HHEX: variants seen among roughly 807,000 people sequenced by gnomAD.
HHEX encodes hematopoietically-expressed homeobox protein HHEX.
A neutral mutation model predicts 27.0 loss-of-function variants in HHEX; 8 were observed. That is an observed-to-expected ratio of 0.30 (90% confidence interval 0.17 to 0.54). The LOEUF is 0.54. Among genes scored for constraint, HHEX ranks in the 20% least tolerant of loss-of-function variants. HHEX has a pLI of 0.95. For synonymous variants in HHEX, 164 were observed against 161.5 expected, an observed-to-expected ratio of 1.02 and a Z score of -0.12; for missense variants, 326 against 357.2, an observed-to-expected ratio of 0.91 and a Z score of 0.70.
intron 3 of HHEX, among the ~76,000 whole-genome samples, chr10:92,693,834 G>A (rs192864353): frequency 8.4e-4 from 128 of 152,210 alleles, no homozygotes; most frequent in Admixed American, 6.5e-3. Flanking sequence ...ATAGTTCTTG[G>A]TCAAAGGCTT....
At chr10:92,693,539 T>G (rs1485159189) in intron 3 of HHEX, among the ~76,000 whole-genome samples, 1 of 152,192 alleles carries the variant, frequency 6.6e-6, no homozygotes, top group Admixed American at 6.5e-5. Context: ...GTGGAGAAAT[T>G]TAAAGCAAAG....
At chr10:92,694,455 TGGAATA>T (rs2135942209) in intron 3 of HHEX, 86 bp from the exon 4 acceptor site, 1 of 904,086 alleles carries the variant, frequency 1.1e-6, no homozygotes, top group East Asian at 2.6e-5. Flanking sequence ...AATTAAAAGA[TGGAATA>T]GGATGAAGAG....
Position 92,692,382 on chromosome 10 carries a change from T to C in HHEX, c.376T>C (p.Trp126Arg). ...CCCGCTCGCAGGCAAACCTCTACTCTGGAGCCCCTTCTTGCAGAGGCCTCT... is the reference window on the plus strand; with the variant it reads ...CCCGCTCGCAGGCAAACCTCTACTCCGGAGCCCCTTCTTGCAGAGGCCTCT... ...RHDPLGKPLL[W>R]SPFLQRPLHK... is the part of the protein sequence containing the mutation. Residue 126 changes from tryptophan (W) to arginine (R), a missense_variant, in exon 2 of 4, where the codon TGG becomes CGG. By Grantham distance (101) the Trp-to-Arg change is moderately radical. Around this residue, in one of 4 missense-constraint regions of HHEX, gnomAD observed 215 missense variants for 196.4 expected, o/e 1.09. Coordinates refer to ENST00000282728, the MANE Select transcript of HHEX (RefSeq NM_002729.5). 6.2e-7 allele frequency: 1 copy of C among 1,613,710 alleles called. No homozygotes were observed. Among genetic ancestry groups the C allele is most frequent in the Non-Finnish European group, 8.5e-7 (1 of 1,180,014 alleles).
At position 92,692,387 on chromosome 10, in the gene HHEX, C is replaced by T. The variant is rs1361091692; in HGVS notation, c.381C>T (p.Ser127=). 5.0e-6 allele frequency: 8 copies of T among 1,613,794 alleles called. No homozygotes were observed. The highest frequency in any genetic ancestry group is 6.8e-6 in the Non-Finnish European group (8 of 1,180,010). ...HDPLGKPLLW[S]PFLQRPLHKR... ...TCGCAGGCAAACCTCTACTCTGGAG[C>T]CCCTTCTTGCAGAGGCCTCTGCATA... is the stretch of plus-strand genomic sequence containing the variant. The change falls in exon 2 of 4, where the codon AGC becomes AGT. Residue 127 remains serine (S), a synonymous_variant. Transcript: ENST00000282728.
rs554275552 is a variant in HHEX, at chr10:92,695,037, A to C, written c.*269A>C. 1.3e-5 allele frequency: 4 copies of C among 316,386 alleles called. No individual in the cohort carries two copies. The highest frequency in any genetic ancestry group is 8.6e-5 in the African/African-American group (4 of 46,366). The allele number at this position is 316,386 out of a possible 1,614,324, so 19.6% of individuals were successfully genotyped here. ...TAAATTCTTCCCCCTTTAAAAAAAC[A>C]GTTAGTGGTTTTCACTATTTATAAA... is the stretch of plus-strand genomic sequence containing the variant. On this transcript the variant is annotated 3_prime_UTR_variant, in exon 4 of 4. Coordinates refer to ENST00000282728, the MANE Select transcript of HHEX (RefSeq NM_002729.5).
intron 1 of HHEX, 34 bp from the exon 2 acceptor site, chr10:92,692,334 G>A (rs1188623574): frequency 1.4e-5 from 22 of 1,609,354 alleles, no homozygotes; most frequent in Non-Finnish European, 1.8e-5. Context: ...GCCGCTCCAG[G>A]GCAGTGGGTG....
In HHEX at chr10:92,692,765, T is replaced by G; in HGVS notation, c.591+13T>G. The G allele has an allele frequency of 6.2e-7, 1 of 1,604,944 alleles. No homozygotes were observed. The highest frequency in any genetic ancestry group is 8.5e-7 in the Non-Finnish European group (1 of 1,171,732). On this transcript the variant is annotated intron_variant, in intron 3 of 3. Transcript: ENST00000282728. ...GAGACTAAAACAGGTATGGACATGGTTCTGTTTCTATGGAAATAAATATTT... is the reference window on the plus strand; with the variant it reads ...GAGACTAAAACAGGTATGGACATGGGTCTGTTTCTATGGAAATAAATATTT...
At position 92,692,365 on chromosome 10, in the gene HHEX, C is replaced by T; in HGVS notation, c.362-3C>T. Reference sequence around the variant, plus strand: ...GGGTGAGCGCCGCTCTTCCCGCTCGCAGGCAAACCTCTACTCTGGAGCCCC... The same window carrying T: ...GGGTGAGCGCCGCTCTTCCCGCTCGTAGGCAAACCTCTACTCTGGAGCCCC... On this transcript the variant is annotated splice_region_variant and splice_polypyrimidine_tract_variant and intron_variant, in intron 1 of 3. Coordinates refer to ENST00000282728, the MANE Select transcript of HHEX (RefSeq NM_002729.5). 3 of 1,612,790 alleles carry T rather than the reference C, an allele frequency of 1.9e-6. No individual in the cohort carries two copies. In the South Asian group the frequency reaches 3.3e-5, roughly 18 times the overall value.
Position 92,689,983 on chromosome 10 carries a change from A to G in HHEX, c.-4A>G. 2.1e-6 allele frequency: 3 copies of G among 1,403,934 alleles called. No individual in the cohort carries two copies. Among genetic ancestry groups the G allele is most frequent in the Non-Finnish European group, 1.8e-6 (2 of 1,088,058 alleles). 87.0% of individuals were successfully genotyped at this position (1,403,934 alleles called of 1,614,324 possible). ...TCTGCGAGGGGCCGGAGCGCGGCGGAGCCATGCAGTACCCGCACCCCGGGC... is the reference window on the plus strand; with the variant it reads ...TCTGCGAGGGGCCGGAGCGCGGCGGGGCCATGCAGTACCCGCACCCCGGGC... On this transcript the variant is annotated 5_prime_UTR_variant, in exon 1 of 4. Coordinates refer to ENST00000282728, the MANE Select transcript of HHEX (RefSeq NM_002729.5).
In HHEX at chr10:92,694,872, A is replaced by G; in HGVS notation, c.*104A>G. Reference sequence around the variant, plus strand: ...GGAAGGCTATATAAGAAAGGGAATCAATTCTCTGGTATTCTGGAAACCTAA... The same window carrying G: ...GGAAGGCTATATAAGAAAGGGAATCGATTCTCTGGTATTCTGGAAACCTAA... On this transcript the variant is annotated 3_prime_UTR_variant, in exon 4 of 4. Transcript: ENST00000282728. 1 of 828,334 alleles carries G rather than the reference A, an allele frequency of 1.2e-6. No individual in the cohort carries two copies. Among genetic ancestry groups the G allele is most frequent in the Non-Finnish European group, 1.9e-6 (1 of 522,736 alleles). The allele number at this position is 828,334 out of a possible 1,614,324, so 51.3% of individuals were successfully genotyped here. A position where few individuals can be genotyped will look rare whatever the true frequency, so the allele number is the denominator to read the frequency against.
Position 92,690,343 on chromosome 10 carries a change from C to T in HHEX, c.357C>T (p.Pro119=), listed in dbSNP as rs1446650747. The T allele has an allele frequency of 1.4e-6, 2 of 1,475,598 alleles. No homozygotes were observed. Among genetic ancestry groups the T allele is most frequent in the South Asian group, 2.6e-5 (2 of 76,046 alleles). 91.4% of individuals were successfully genotyped at this position (1,475,598 alleles called of 1,614,324 possible). Residue 119 remains proline (P), a synonymous_variant, in exon 1 of 4, where the codon CCC becomes CCT. Transcript: ENST00000282728. The stretch of plus-strand genomic sequence containing the variant: ...CGCACGCCCTGCTCCGCCACGACCC[C>T]CTGGGTAAGGCGGCCGGGCGAGGGT... ...DYTHALLRHD[P]LGKPLLWSPF... is the part of the protein sequence containing the mutation.
chr10:92,694,598 T>A lies in HHEX; in HGVS notation c.643T>A (p.Cys215Ser), dbSNP rs777011688. 6.2e-7 allele frequency: 1 copy of A among 1,614,180 alleles called. No individual in the cohort carries two copies. Among genetic ancestry groups the A allele is most frequent in the Non-Finnish European group, 8.5e-7 (1 of 1,180,006 alleles). ...AGAACTGGAAAGTTTGGACAGTTCCTGTGATCAGAGGCAAGATTTGCCCAG... is the reference window on the plus strand; with the variant it reads ...AGAACTGGAAAGTTTGGACAGTTCCAGTGATCAGAGGCAAGATTTGCCCAG... ...KEELESLDSS[C>S]DQRQDLPSEQ... Residue 215 changes from cysteine to serine, a missense_variant, in exon 4 of 4, where the codon TGT (cysteine) becomes AGT (serine). By Grantham distance (112) the Cys-to-Ser change is moderately radical. Around this residue, in one of 4 missense-constraint regions of HHEX, gnomAD observed 68 missense variants for 84.9 expected, o/e 0.80. Coordinates refer to ENST00000282728, the MANE Select transcript of HHEX (RefSeq NM_002729.5).
rs993173166 is a variant in HHEX, at chr10:92,690,332, C to T, written c.346C>T (p.Arg116Cys). ...GAACGACTACACGCACGCCCTGCTC[C>T]GCCACGACCCCCTGGGTAAGGCGGC... ...TVNDYTHALL[R>C]HDPLGKPLLW... Residue 116 changes from arginine (R) to cysteine (C), a missense_variant, in exon 1 of 4, where the codon CGC (arginine) becomes TGC (cysteine). By Grantham distance (180) the Arg-to-Cys change is radical. Coordinates refer to ENST00000282728, the MANE Select transcript of HHEX (RefSeq NM_002729.5). The T allele has an allele frequency of 2.0e-6, 3 of 1,499,054 alleles. No homozygotes were observed. In the African/African-American group the frequency reaches 4.3e-5, roughly 22 times the overall value. The allele number at this position is 1,499,054 out of a possible 1,614,324, so 92.9% of individuals were successfully genotyped here.
At chr10:92,692,237 G>C in intron 1 of HHEX, 131 bp from the exon 2 acceptor site, 1 of 835,694 alleles carries the variant, frequency 1.2e-6, no homozygotes, top group Non-Finnish European at 1.9e-6. Flanking sequence ...CCACGTGCCG[G>C]TGGGTGTATG....
At position 92,692,423 on chromosome 10, in the gene HHEX, C is replaced by T. The variant is rs755244382; in HGVS notation, c.417C>T (p.Gly139=). The change falls in exon 2 of 4, where the codon GGC becomes GGT. Residue 139 remains glycine, a synonymous_variant. Coordinates refer to ENST00000282728, the MANE Select transcript of HHEX (RefSeq NM_002729.5). The part of the protein sequence containing the change: ...FLQRPLHKRK[G]GQVRFSNDQT... ...AGAGGCCTCTGCATAAAAGGAAAGG[C>T]GGCCAGGTGAGATTCTCCAACGACC... 6.2e-7 allele frequency: 1 copy of T among 1,614,046 alleles called. No individual in the cohort carries two copies. Among genetic ancestry groups the T allele is most frequent in the Non-Finnish European group, 8.5e-7 (1 of 1,179,996 alleles).
chr10:92,692,137 G>A (rs1013081627), intron 1 of HHEX: 6 of 458,818 alleles, frequency 1.3e-5, no homozygotes, highest in African/African-American at 7.8e-5. Context: ...ACGGCTGTGT[G>A]TCTGTCTGTG....
chr10:92,691,267 CAAA>C (rs1845352612), intron 1 of HHEX, among the ~76,000 whole-genome samples: 1 of 152,160 alleles, frequency 6.6e-6, no homozygotes, highest in Non-Finnish European at 1.5e-5. Flanking sequence ...TGCGGCCTAA[CAAA>C]TAAGCCGCCC....
Position 92,690,172 on chromosome 10 carries a change from G to A in HHEX, c.186G>A (p.Val62=), listed in dbSNP as rs947143627. The change falls in exon 1 of 4, where the codon GTG becomes GTA. Residue 62 remains valine (V), a synonymous_variant. Transcript: ENST00000282728. ...CCAACTCCTCCTTCACCAGCCTCGT[G>A]TCCCCCTACCGGACCCCGGTGTACG... ...PSPNSSFTSL[V]SPYRTPVYEP... The A allele has an allele frequency of 1.2e-5, 19 of 1,563,210 alleles. No individual in the cohort carries two copies. The highest frequency in any genetic ancestry group is 1.6e-5 in the Non-Finnish European group (19 of 1,154,592).
Position 92,690,075 on chromosome 10 carries a change from C to T in HHEX, c.89C>T (p.Thr30Met), listed in dbSNP as rs1295181822. The T allele has an allele frequency of 2.6e-6, 4 of 1,546,094 alleles. No individual in the cohort carries two copies. Among genetic ancestry groups the T allele is most frequent in the African/African-American group, 1.4e-5 (1 of 72,544 alleles). The part of the protein sequence containing the change: ...PTPLLQPAHP[T>M]PFYIEDILGR... ...CCGCTGCTGCAACCCGCACACCCGA[C>T]GCCCTTTTACATCGAGGACATCCTG... The change falls in exon 1 of 4, where the codon ACG becomes ATG. Residue 30 changes from threonine to methionine, a missense_variant. Physicochemically the swap from Thr to Met is moderately conservative, Grantham distance 81. Around this residue, in one of 4 missense-constraint regions of HHEX, gnomAD observed 215 missense variants for 196.4 expected, o/e 1.09. Transcript: ENST00000282728.
Sources: allele counts gnomAD v4.1 joint callset (sites outside exome capture counted in the v4.1 genomes callset), GRCh38; gene constraint gnomAD v4.1.1; regional missense constraint gnomAD v4.1.1; transcripts MANE v1.5; gene names NCBI Gene and HGNC (gene_info 2026-07-23, HGNC 2026-07-21).